The following WDPCP variants were observed in gnomAD, a reference collection of about 807,000 sequenced individuals.
WDPCP encodes WD repeat-containing and planar cell polarity effector protein fritz homolog.
Under a neutral mutation model 93.1 loss-of-function variants are expected in WDPCP, and 71 were observed. The observed-to-expected ratio is 0.76, with a 90% CI of 0.63 to 0.93. The LOEUF (loss-of-function observed/expected upper bound fraction) is 0.93, where lower values mean the gene tolerates loss of function less well. WDPCP is among the 40% of genes least tolerant of loss of function. WDPCP has a pLI of 0.00. For synonymous variants in WDPCP, 315 were observed against 315.0 expected (o/e 1.00, Z 0.00); for missense variants, 844 against 887.4 (o/e 0.95, Z 0.62).
intron 13 of WDPCP, among the ~76,000 whole-genome samples, chr2:63,273,539 A>T (rs1682823517): frequency 6.6e-6 from 1 of 152,160 alleles, no homozygotes; most frequent in Admixed American, 6.5e-5. Flanking sequence ...GACAGCTTGA[A>T]TGTATTAAAA....
intron 12 of WDPCP, among the ~76,000 whole-genome samples, chr2:63,377,460 T>C (rs1691939400): frequency 6.6e-6 from 1 of 151,236 alleles, no homozygotes; most frequent in Non-Finnish European, 1.5e-5. Flanking sequence ...TATGCAAACA[T>C]ACACAGACAT....
intron 1 of WDPCP, among the ~76,000 whole-genome samples, chr2:63,525,411 A>T (rs1195526684): frequency 6.6e-6 from 1 of 152,256 alleles, no homozygotes; most frequent in Non-Finnish European, 1.5e-5. Flanking sequence ...ATTTAAAAAA[A>T]TAAAAACTAA....
chr2:63,415,078 T>C (rs995956318), intron 9 of WDPCP, among the ~76,000 whole-genome samples: 3 of 152,138 alleles, frequency 2.0e-5, no homozygotes, highest in African/African-American at 7.2e-5. Flanking sequence ...ACCATAAAAG[T>C]TTAAAGATTA....
At chr2:63,259,613 T>C (rs1335242425) in intron 13 of WDPCP, among the ~76,000 whole-genome samples, 1 of 152,218 alleles carries the variant, frequency 6.6e-6, no homozygotes, top group Non-Finnish European at 1.5e-5. Flanking sequence ...AAGGCAAGTA[T>C]TTAAATAAAT....
intron 12 of WDPCP, among the ~76,000 whole-genome samples, chr2:63,327,544 A>C (rs966963552): frequency 6.6e-6 from 1 of 152,174 alleles, no homozygotes; most frequent in Admixed American, 6.5e-5. Flanking sequence ...CGAGGCCTAG[A>C]CTTCCTCACT....
At chr2:63,730,298 G>A (rs1326868205) in intron 2 of WDPCP, among the ~76,000 whole-genome samples, 1 of 152,034 alleles carries the variant, frequency 6.6e-6, no homozygotes, top group Non-Finnish European at 1.5e-5. Flanking sequence ...TCTGAACTGA[G>A]GCTATCTGAC....
intron 14 of WDPCP, among the ~76,000 whole-genome samples, chr2:63,232,058 C>A (rs906204974): frequency 2.6e-5 from 4 of 152,222 alleles, no homozygotes; most frequent in Middle Eastern, 6.8e-3. Flanking sequence ...TTTGACAAAC[C>A]TGACAAAAAC....
At chr2:63,205,939 C>T (rs768795667) in intron 14 of WDPCP, among the ~76,000 whole-genome samples, 31 of 152,074 alleles carry the variant, frequency 2.0e-4, no homozygotes, top group Admixed American at 6.6e-4. Context: ...TTTTCTCATT[C>T]GGTATGTTAC....
chr2:63,812,036 A>T (rs1444985403), intron 2 of WDPCP, among the ~76,000 whole-genome samples: 2 of 150,318 alleles, frequency 1.3e-5, no homozygotes, highest in Non-Finnish European at 3.0e-5. Context: ...AGCTAATTGT[A>T]TTTTTTTTTG....
intron 13 of WDPCP, among the ~76,000 whole-genome samples, chr2:63,288,132 C>T (rs1455661396): frequency 6.6e-6 from 1 of 152,114 alleles, no homozygotes; most frequent in Non-Finnish European, 1.5e-5. Context: ...AGAGCAGCAG[C>T]TATAGGTCTT....
intron 3 of WDPCP, among the ~76,000 whole-genome samples, chr2:63,636,541 T>A (rs1709922153): frequency 6.6e-6 from 1 of 152,070 alleles, no homozygotes. Context: ...GCTCAAGACA[T>A]CCTCCTATCT....
intron 17 of WDPCP, among the ~76,000 whole-genome samples, chr2:63,150,416 C>T (rs554789767): frequency 3.0e-4 from 45 of 152,268 alleles, no homozygotes; most frequent in African/African-American, 1.1e-3. Flanking sequence ...CCAGGGATTG[C>T]TGCTAAACAT....
intron 2 of WDPCP, among the ~76,000 whole-genome samples, chr2:63,654,724 C>A (rs1710145744): frequency 6.6e-6 from 1 of 152,164 alleles, no homozygotes; most frequent in Admixed American, 6.5e-5. Flanking sequence ...AACTTATGCA[C>A]CGTCCCCTAC....
Position 63,551,943 on chromosome 2 carries a change from G to C in WDPCP, c.75+36254C>G, listed in dbSNP as rs867991789. 2.2e-4 allele frequency among the ~76,000 whole-genome samples: 30 copies of C among 138,700 alleles called. 1 individual carries two copies. The highest frequency in any genetic ancestry group is 7.0e-4 in the African/African-American group (26 of 37,196). 91.0% of individuals were successfully genotyped at this position (138,700 alleles called of 152,430 possible). On this transcript the variant is annotated intron_variant, in intron 1 of 17. Coordinates refer to ENST00000272321, the MANE Select transcript of WDPCP (RefSeq NM_015910.7). ...GTATAAACCTAAATATGAATATTCT[G>C]TTTTGCTTTCATTTTCTTTTTTTTT...
intron 2 of WDPCP, among the ~76,000 whole-genome samples, chr2:63,663,632 T>A (rs262513): frequency 0.79 from 120,125 of 152,170 alleles, 47,926 homozygotes; most frequent in East Asian, 0.98. Flanking sequence ...GTGTGATTTA[T>A]AAAAGTTGGT....
intron 13 of WDPCP, among the ~76,000 whole-genome samples, chr2:63,269,969 C>G (rs1039354972): frequency 3.3e-5 from 5 of 152,110 alleles, no homozygotes; most frequent in Non-Finnish European, 7.4e-5. Context: ...CAAATCTGAT[C>G]AATAAGCAGC....
At position 63,501,063 on chromosome 2, in the gene WDPCP, AG is replaced by A. The variant is rs541287862; in HGVS notation, c.76-8124del. Among the ~76,000 whole-genome samples the A allele has an allele frequency of 1.7e-4, 26 of 152,370 alleles. No individual in the cohort carries two copies. In the South Asian group the frequency reaches 5.2e-3, roughly 30 times the overall value. ...ACCTAAATATTAAATGTAAGTATTC[AG>A]GACATATTTATTTGAAAATGAGCAC... On this transcript the variant is annotated intron_variant, in intron 1 of 17. Transcript: ENST00000272321.
At chr2:63,761,255 C>T (rs1343690843) in intron 2 of WDPCP, among the ~76,000 whole-genome samples, 1 of 152,186 alleles carries the variant, frequency 6.6e-6, no homozygotes, top group African/African-American at 2.4e-5. Context: ...CTCACACTCT[C>T]TTGCCCTTCT....
intron 14 of WDPCP, among the ~76,000 whole-genome samples, chr2:63,205,269 G>T (rs1422313903): frequency 6.6e-6 from 1 of 151,916 alleles, no homozygotes; most frequent in Non-Finnish European, 1.5e-5. Flanking sequence ...TTTAAGTAAG[G>T]TAATATGATT....
Sources: allele counts gnomAD v4.1 joint callset (sites outside exome capture counted in the v4.1 genomes callset), GRCh38; gene constraint gnomAD v4.1.1; transcripts MANE v1.5; gene names NCBI Gene and HGNC (gene_info 2026-07-23, HGNC 2026-07-21).